Variants in DOCK5 observed in about 807,000 individuals in gnomAD.
DOCK5 encodes dedicator of cytokinesis protein 5.
DOCK5 carries 142 observed loss-of-function variants against 251.8 expected under a neutral mutation model. The observed-to-expected ratio is 0.56, with a 90% CI of 0.49 to 0.65. DOCK5 has a LOEUF of 0.65. Ranked by LOEUF, DOCK5 falls within the 30% of genes least tolerant of loss-of-function variation. The pLI is 0.00. For missense variants in DOCK5, 2,111 were observed against 2,312.3 expected (o/e 0.91, Z 1.79); for synonymous variants, 842 against 835.5 (o/e 1.01, Z -0.13).
chr8:25,404,837 C>A (rs1801496119), intron 48 of DOCK5, among the ~76,000 whole-genome samples: 2 of 152,094 alleles, frequency 1.3e-5, no homozygotes. Flanking sequence ...ACACTCCCAC[C>A]AGCAACACAC....
intron 22 of DOCK5, among the ~76,000 whole-genome samples, chr8:25,338,821 T>A (rs993335302): frequency 6.6e-6 from 1 of 152,170 alleles, no homozygotes; most frequent in Non-Finnish European, 1.5e-5. Flanking sequence ...AAAACCTGAG[T>A]GTGAAATTAA....
chr8:25,385,667 A>G (rs1247616032), intron 40 of DOCK5, among the ~76,000 whole-genome samples: 2 of 152,210 alleles, frequency 1.3e-5, no homozygotes, highest in African/African-American at 4.8e-5. Flanking sequence ...AAATCTTGAA[A>G]TTATCTAGCT....
chr8:25,270,097 T>G (rs997591166), intron 3 of DOCK5, among the ~76,000 whole-genome samples: 1 of 152,242 alleles, frequency 6.6e-6, no homozygotes, highest in Non-Finnish European at 1.5e-5. Flanking sequence ...AGTTTATTCA[T>G]CTAGCAAAAT....
intron 48 of DOCK5, 142 bp downstream of exon 48, chr8:25,403,866 A>G: frequency 2.2e-6 from 2 of 910,066 alleles, no homozygotes. Flanking sequence ...CATGATTAGC[A>G]GAATAATAAC....
At chr8:25,292,250 G>A in intron 6 of DOCK5, 78 bp downstream of exon 6, 1 of 1,411,498 alleles carries the variant, frequency 7.1e-7, no homozygotes, top group Non-Finnish European at 9.3e-7. Flanking sequence ...ACTGTTTGCA[G>A]CGACCTTTGA....
chr8:25,226,842 C>T (rs1310879889), intron 1 of DOCK5, among the ~76,000 whole-genome samples: 1 of 152,178 alleles, frequency 6.6e-6, no homozygotes, highest in East Asian at 1.9e-4. Context: ...GTCTTGGCCT[C>T]CCAAAGTGCT....
chr8:25,273,371 G>GCTGAT (rs1175363063), intron 3 of DOCK5, among the ~76,000 whole-genome samples: 1 of 152,212 alleles, frequency 6.6e-6, no homozygotes, highest in Non-Finnish European at 1.5e-5. Context: ...GCTGAGGTGA[G>GCTGAT]CTGATCACTT....
At chr8:25,375,405 C>CT (rs149647883) in intron 37 of DOCK5, 64,141 of 148,530 alleles carry the variant, frequency 0.43, 13,952 homozygotes, top group Middle Eastern at 0.51. Flanking sequence ...CTTTTTCTTT[C>CT]TTTATTTTTT....
intron 33 of DOCK5, among the ~76,000 whole-genome samples, 157 bp downstream of exon 33, chr8:25,368,882 G>C (rs1456656597): frequency 6.6e-6 from 1 of 152,184 alleles, no homozygotes; most frequent in Non-Finnish European, 1.5e-5. Context: ...ATTAGAGATA[G>C]AGTCAGACAG....
Position 25,412,078 on chromosome 8 carries a change from CTTTTTTTTTT to C in DOCK5, c.*794_*803del, listed in dbSNP as rs56131241. On this transcript the variant is annotated 3_prime_UTR_variant, in exon 52 of 52. Coordinates refer to ENST00000276440, the MANE Select transcript of DOCK5 (RefSeq NM_024940.8). ...GAAGCTCTTCCTTTTGCACATACGG[CTTTTTTTTTT>C]TTTTTTTTTTTTTGTCCTATTACCT... 3 of 82,846 alleles carry C rather than the reference CTTTTTTTTTT, an allele frequency of 3.6e-5. No individual in the cohort carries two copies. Among genetic ancestry groups the C allele is most frequent in the African/African-American group, 4.8e-5 (1 of 20,680 alleles). The allele number at this position is 82,846 out of a possible 1,614,324, so 5.1% of individuals were successfully genotyped here.
intron 1 of DOCK5, among the ~76,000 whole-genome samples, chr8:25,194,252 C>T (rs1293754755): frequency 6.6e-6 from 1 of 152,016 alleles, no homozygotes; most frequent in Non-Finnish European, 1.5e-5. Flanking sequence ...CAAGATCACG[C>T]CACTACACTC....
intron 38 of DOCK5, among the ~76,000 whole-genome samples, chr8:25,378,965 G>A (rs1164005420): frequency 6.6e-6 from 1 of 152,168 alleles, no homozygotes; most frequent in Non-Finnish European, 1.5e-5. Flanking sequence ...TGCAAAACCA[G>A]CAACTTTTTG....
At chr8:25,384,857 C>G (rs1054490957) in intron 40 of DOCK5, among the ~76,000 whole-genome samples, 4 of 151,920 alleles carry the variant, frequency 2.6e-5, no homozygotes, top group African/African-American at 9.7e-5. Flanking sequence ...CACTTGAGCT[C>G]GGGAGGCAGA....
At chr8:25,241,181 G>A (rs1031305545) in intron 1 of DOCK5, among the ~76,000 whole-genome samples, 10 of 152,142 alleles carry the variant, frequency 6.6e-5, no homozygotes, top group South Asian at 2.1e-4. Flanking sequence ...AATGGCGATC[G>A]TTAAAAGTCA....
chr8:25,223,794 T>TA (rs1370168160), intron 1 of DOCK5, among the ~76,000 whole-genome samples: 2 of 152,216 alleles, frequency 1.3e-5, no homozygotes, highest in African/African-American at 4.8e-5. Flanking sequence ...TATTTTGTTT[T>TA]ATTAAAATCT....
chr8:25,363,190 G>C (rs1358109598), intron 29 of DOCK5, 49 bp downstream of exon 29: 1 of 1,488,932 alleles, frequency 6.7e-7, no homozygotes, highest in Non-Finnish European at 9.4e-7. Context: ...AATACCTAAG[G>C]CTGCTGTGTG....
At chr8:25,185,740 A>G (rs1372878824) in intron 1 of DOCK5, among the ~76,000 whole-genome samples, 1 of 152,100 alleles carries the variant, frequency 6.6e-6, no homozygotes, top group African/African-American at 2.4e-5. Context: ...GGTGCTGGAG[A>G]GCCCCGGGTT....
chr8:25,232,618 A>C (rs1183479427), intron 1 of DOCK5, among the ~76,000 whole-genome samples: 1 of 152,166 alleles, frequency 6.6e-6, no homozygotes, highest in Non-Finnish European at 1.5e-5. Flanking sequence ...TGCATGGTAC[A>C]AAAAGGGCAA....
intron 18 of DOCK5, among the ~76,000 whole-genome samples, chr8:25,328,121 C>T (rs370631052): frequency 5.3e-5 from 8 of 151,938 alleles, no homozygotes; most frequent in African/African-American, 1.4e-4. Context: ...GTTGGGCAGA[C>T]GGATATACAT....
Sources: allele counts gnomAD v4.1 joint callset (sites outside exome capture counted in the v4.1 genomes callset), GRCh38; gene constraint gnomAD v4.1.1; transcripts MANE v1.5; gene names NCBI Gene and HGNC (gene_info 2026-07-23, HGNC 2026-07-21).